Variants in CNTNAP2 observed in about 807,000 individuals in gnomAD.
The protein encoded by CNTNAP2 is contactin associated protein 2.
Under a neutral mutation model 155.2 loss-of-function variants are expected in CNTNAP2, and 98 were observed. The ratio of observed to expected loss-of-function variants is 0.63; its 90% CI spans 0.54 to 0.75. The LOEUF (loss-of-function observed/expected upper bound fraction) is 0.75, where lower values mean the gene tolerates loss of function less well. Ranked by LOEUF, CNTNAP2 falls within the 30% of genes least tolerant of loss-of-function variation. The probability of loss-of-function intolerance (pLI) is 0.00; values close to 1 mark genes in which losing one functional copy is unlikely to be tolerated. For synonymous variants in CNTNAP2, 651 were observed against 631.2 expected (o/e 1.03, Z -0.47); for missense variants, 1,727 against 1,688.1 (o/e 1.02, Z -0.40).
chr7:147,467,417 C>A (rs1798139493), intron 10 of CNTNAP2, among the ~76,000 whole-genome samples: 1 of 152,088 alleles, frequency 6.6e-6, no homozygotes, highest in South Asian at 2.1e-4. Context: ...TAAGAAAATA[C>A]AATGTCAGTG....
intron 12 of CNTNAP2, among the ~76,000 whole-genome samples, chr7:147,577,748 G>A (rs1397366025): frequency 6.6e-6 from 1 of 151,738 alleles, no homozygotes; most frequent in African/African-American, 2.4e-5. Context: ...AAAAAAATGA[G>A]TTAAATATCA....
intron 14 of CNTNAP2, among the ~76,000 whole-genome samples, chr7:147,932,617 C>T (rs373089402): frequency 5.3e-5 from 8 of 152,180 alleles, no homozygotes; most frequent in African/African-American, 1.9e-4. Context: ...TAGAAGAAAA[C>T]GTAGGGGAAA....
At chr7:148,285,782 C>T (rs909321396) in intron 21 of CNTNAP2, among the ~76,000 whole-genome samples, 2 of 152,084 alleles carry the variant, frequency 1.3e-5, no homozygotes, top group African/African-American at 4.8e-5. Flanking sequence ...AGAGAAAAGA[C>T]CCTGAGAGAT....
intron 18 of CNTNAP2, among the ~76,000 whole-genome samples, chr7:148,186,711 T>C (rs1429528116): frequency 1.3e-5 from 2 of 152,146 alleles, no homozygotes; most frequent in African/African-American, 4.8e-5. Context: ...AATCCCCAAC[T>C]CTGTGGAGAT....
At chr7:147,149,371 A>G (rs1352348077) in intron 8 of CNTNAP2, among the ~76,000 whole-genome samples, 1 of 152,128 alleles carries the variant, frequency 6.6e-6, no homozygotes, top group Non-Finnish European at 1.5e-5. Flanking sequence ...TGCATTTACA[A>G]TCTTCTAGCT....
chr7:146,621,922 A>T (rs1164649003), intron 1 of CNTNAP2, among the ~76,000 whole-genome samples: 1 of 152,136 alleles, frequency 6.6e-6, no homozygotes, highest in East Asian at 1.9e-4. Flanking sequence ...TTACATTATT[A>T]TGGACACATG....
intron 4 of CNTNAP2, chr7:147,080,789 T>C (rs1800109456): frequency 6.6e-6 from 1 of 151,160 alleles, no homozygotes; most frequent in Non-Finnish European, 1.5e-5. Flanking sequence ...TTAGAATCAG[T>C]CTCCCCCTTT....
At chr7:146,599,567 A>G (rs1161699779) in intron 1 of CNTNAP2, among the ~76,000 whole-genome samples, 1 of 151,588 alleles carries the variant, frequency 6.6e-6, no homozygotes, top group Non-Finnish European at 1.5e-5. Flanking sequence ...ATAGATAAAA[A>G]TCTGAACTCC....
rs112698769 is a variant in CNTNAP2, at chr7:146,381,277, T to G, written c.97+264304T>G. On this transcript the variant is annotated intron_variant, in intron 1 of 23. Coordinates refer to ENST00000361727, the MANE Select transcript of CNTNAP2 (RefSeq NM_014141.6). ...ATAGGAAATATCAAATCTATTAGGC[T>G]TTTGTTCACAAATTTGAGAACAAAT... 7.2e-3 allele frequency among the ~76,000 whole-genome samples: 1,092 copies of G among 152,284 alleles called. 12 individuals are homozygous for G. The highest frequency in any genetic ancestry group is 0.025 in the African/African-American group (1,036 of 41,572).
chr7:147,189,740 C>T (rs1179469599), intron 8 of CNTNAP2, among the ~76,000 whole-genome samples: 1 of 118,206 alleles, frequency 8.5e-6, no homozygotes, highest in African/African-American at 2.8e-5. Context: ...ACATTAACAC[C>T]ACTTTTTTTT....
chr7:148,417,684 G>A lies in CNTNAP2; in HGVS notation c.*2068G>A, dbSNP rs1224101253. 3 of 152,208 alleles carry A rather than the reference G, an allele frequency of 2.0e-5. No individual in the cohort carries two copies. The highest frequency in any genetic ancestry group is 7.2e-5 in the African/African-American group (3 of 41,452). The allele number at this position is 152,208 out of a possible 1,614,324, so 9.4% of individuals were successfully genotyped here. A position where few individuals can be genotyped will look rare whatever the true frequency, so the allele number is the denominator to read the frequency against. On this transcript the variant is annotated 3_prime_UTR_variant, in exon 24 of 24. Coordinates refer to ENST00000361727, the MANE Select transcript of CNTNAP2 (RefSeq NM_014141.6). ...ATTTTAAACATGATGTTTTAGAAGT[G>A]TTTCTGATTTTTAAACCTGGTTTAC...
intron 3 of CNTNAP2, among the ~76,000 whole-genome samples, chr7:146,984,524 G>C (rs1168807269): frequency 6.6e-6 from 1 of 151,458 alleles, no homozygotes; most frequent in Non-Finnish European, 1.5e-5. Context: ...GTGAAGAATG[G>C]CTGCAGTTTT....
chr7:148,227,120 A>C (rs1055625926), intron 19 of CNTNAP2, among the ~76,000 whole-genome samples: 1 of 152,138 alleles, frequency 6.6e-6, no homozygotes, highest in Non-Finnish European at 1.5e-5. Flanking sequence ...AGGTGCCCCA[A>C]AACGAGGGGA....
chr7:147,150,003 C>T (rs1277850303), intron 8 of CNTNAP2, among the ~76,000 whole-genome samples: 1 of 152,150 alleles, frequency 6.6e-6, no homozygotes, highest in East Asian at 1.9e-4. Context: ...AGGTAACAGT[C>T]CCTTTAGCTG....
chr7:146,303,071 CATGTGTGTGTGTGTGTGT>C (rs941535127), intron 1 of CNTNAP2, among the ~76,000 whole-genome samples: 3 of 128,156 alleles, frequency 2.3e-5, no homozygotes, highest in African/African-American at 1.1e-4. Flanking sequence ...CCTTTGTGTG[CATGTGTGTGTGTGTGTGT>C]GTGTGTGTGT....
chr7:148,374,421 C>G (rs1168346138), intron 21 of CNTNAP2, among the ~76,000 whole-genome samples: 1 of 152,134 alleles, frequency 6.6e-6, no homozygotes, highest in Non-Finnish European at 1.5e-5. Context: ...ACCTTTCTAC[C>G]CTTTTTTCCC....
chr7:147,500,457 G>A (rs1402447485), intron 11 of CNTNAP2, among the ~76,000 whole-genome samples: 1 of 151,778 alleles, frequency 6.6e-6, no homozygotes, highest in Non-Finnish European at 1.5e-5. Context: ...TATGTCATCA[G>A]CAACCCTATT....
At chr7:147,703,432 G>A (rs908138829) in intron 13 of CNTNAP2, among the ~76,000 whole-genome samples, 84 of 152,220 alleles carry the variant, frequency 5.5e-4, no homozygotes, top group African/African-American at 2.0e-3. Flanking sequence ...TTACTGAAAG[G>A]CAATTTCAGT....
chr7:147,801,421 TAAAC>T (rs1797983569), intron 13 of CNTNAP2, among the ~76,000 whole-genome samples: 1 of 151,482 alleles, frequency 6.6e-6, no homozygotes, highest in South Asian at 2.1e-4. Flanking sequence ...GGTCGGCAGA[TAAAC>T]AAGTGAACAA....
Sources: allele counts gnomAD v4.1 joint callset (sites outside exome capture counted in the v4.1 genomes callset), GRCh38; gene constraint gnomAD v4.1.1; transcripts MANE v1.5; gene names NCBI Gene and HGNC (gene_info 2026-07-23, HGNC 2026-07-21).